The following DNHD1 variants were observed in gnomAD, a reference collection of about 807,000 sequenced individuals.
DNHD1 encodes dynein heavy chain domain 1, also known as dynein heavy chain domain-containing protein 1.
In DNHD1, 383 loss-of-function variants were observed where a neutral mutation model predicts 458.1. That is an observed-to-expected ratio of 0.84 (90% CI 0.77 to 0.91). The LOEUF (loss-of-function observed/expected upper bound fraction) is 0.91. Ranked by LOEUF, DNHD1 falls within the 40% of genes least tolerant of loss-of-function variation. The pLI is 0.00. For missense variants in DNHD1, 5,336 were observed against 5,866.1 expected (o/e 0.91, Z 2.95); for synonymous variants, 2,203 against 2,376.9 (o/e 0.93, Z 2.13).
In DNHD1 at chr11:6,539,371, G is replaced by A. The variant is rs116450164; in HGVS notation, c.3420+58G>A. 1,813 of 1,305,132 alleles carry A rather than the reference G, an allele frequency of 1.4e-3. 24 individuals are homozygous for A. In the African/African-American group the frequency reaches 0.02, roughly 15 times the overall value. The allele number at this position is 1,305,132 out of a possible 1,614,324, so 80.8% of individuals were successfully genotyped here. On this transcript the variant is annotated intron_variant, in intron 17 of 42. Transcript: ENST00000254579. ...GTCCAAAGCCAGGACCTGTAATAAA[G>A]CCAGTCAAGGGTGGTGGGTGTTTGG...
Position 6,557,874 on chromosome 11 carries a change from C to G in DNHD1, c.8579C>G (p.Pro2860Arg). ...TCAGCTGCTCAACTGAAGTTGAGCCCCCACCTGGCCCGGTGTCATTCCATG... is the reference window on the plus strand; with the variant it reads ...TCAGCTGCTCAACTGAAGTTGAGCCGCCACCTGGCCCGGTGTCATTCCATG... ...ATSAAQLKLS[P>R]HLARCHSMAQ... is the part of the protein sequence containing the mutation. Residue 2860 changes from proline to arginine, a missense_variant, in exon 25 of 43, where the codon CCC becomes CGC. Transcript: ENST00000254579. The G allele has an allele frequency of 6.4e-7, 1 of 1,551,034 alleles. No homozygotes were observed. Among genetic ancestry groups the G allele is most frequent in the Non-Finnish European group, 8.7e-7 (1 of 1,146,938 alleles).
chr11:6,563,875 C>T lies in DNHD1; in HGVS notation c.10035C>T (p.Pro3345=). The T allele has an allele frequency of 6.4e-7, 1 of 1,551,706 alleles. No homozygotes were observed. The highest frequency in any genetic ancestry group is 8.7e-7 in the Non-Finnish European group (1 of 1,147,008). The change falls in exon 31 of 43, where the codon CCC becomes CCT. Residue 3345 remains proline, a synonymous_variant. Transcript: ENST00000254579. ...HYGLAHCRGL[P]TDLLLQQVEA... is the part of the protein sequence containing the mutation. ...GGCTGGCGCATTGCCGGGGACTGCC[C>T]ACGGACCTGCTGCTGCAGCAAGTGG... is the stretch of plus-strand genomic sequence containing the variant.
intron 4 of DNHD1, among the ~76,000 whole-genome samples, chr11:6,506,995 T>G (rs1413140931): frequency 6.6e-6 from 1 of 152,154 alleles, no homozygotes; most frequent in East Asian, 1.9e-4. Flanking sequence ...CTTGCTGAGT[T>G]TCAGGTGCAA....
At position 6,502,795 on chromosome 11, in the gene DNHD1, A is replaced by G. The variant is rs775500522; in HGVS notation, c.789A>G (p.Gln263=). The part of the protein sequence containing the change: ...DYEVPREKAF[Q]KSSTGFSPET... The stretch of plus-strand genomic sequence containing the variant: ...AAGTTCCCAGGGAAAAGGCCTTCCA[A>G]AAGAGCAGCACCGGCTTTTCACCTG... Residue 263 remains glutamine, a synonymous_variant, in exon 4 of 43, where the codon CAA becomes CAG. Coordinates refer to ENST00000254579, the MANE Select transcript of DNHD1 (RefSeq NM_144666.3). 6.2e-7 allele frequency: 1 copy of G among 1,608,834 alleles called. No homozygotes were observed. Among genetic ancestry groups the G allele is most frequent in the African/African-American group, 1.3e-5 (1 of 74,706 alleles).
chr11:6,514,555 TCCTC>T (rs1433112013), intron 7 of DNHD1, among the ~76,000 whole-genome samples: 1 of 148,400 alleles, frequency 6.7e-6, no homozygotes, highest in Admixed American at 6.8e-5. Flanking sequence ...CTCCCTCTCT[TCCTC>T]CCTCCCTCCC....
chr11:6,570,672 C>T lies in DNHD1; in HGVS notation c.13160C>T (p.Pro4387Leu). The change falls in exon 42 of 43, where the codon CCC becomes CTC. Residue 4387 changes from proline (P) to leucine (L), a missense_variant. By Grantham distance (98) the Pro-to-Leu change is moderately conservative (BLOSUM62 -3). Around this residue, in one of 4 missense-constraint regions of DNHD1, gnomAD observed 698 missense variants for 664.9 expected, o/e 1.05. Coordinates refer to ENST00000254579, the MANE Select transcript of DNHD1 (RefSeq NM_144666.3). ...TGCAAGGCCCAGATGCACCTACTGCCCTCACCACCTGAACCCCGGCTCTGC... is the reference window on the plus strand; with the variant it reads ...TGCAAGGCCCAGATGCACCTACTGCTCTCACCACCTGAACCCCGGCTCTGC... ...AECKAQMHLL[P>L]SPPEPRLCGL... is the part of the protein sequence containing the mutation. 1 of 1,612,158 alleles carries T rather than the reference C, an allele frequency of 6.2e-7. No individual in the cohort carries two copies. Among genetic ancestry groups the T allele is most frequent in the Non-Finnish European group, 8.5e-7 (1 of 1,179,200 alleles).
At position 6,571,990 on chromosome 11, in the gene DNHD1, C is replaced by T. The variant is rs377449348; in HGVS notation, c.*4C>T. Reference sequence around the variant, plus strand: ...GTGCAGCCCACCCCTGTCTTGAGCCCGTCTACCAAAATAAAGTTGTAGTGA... The same window carrying T: ...GTGCAGCCCACCCCTGTCTTGAGCCTGTCTACCAAAATAAAGTTGTAGTGA... On this transcript the variant is annotated 3_prime_UTR_variant, in exon 43 of 43. Transcript: ENST00000254579. The surrounding 1 kb of genome is among the most constrained non-coding windows in gnomAD (Gnocchi z 5.0). 87 of 1,591,464 alleles carry T rather than the reference C, an allele frequency of 5.5e-5. No homozygotes were observed. In the African/African-American group the frequency reaches 9.4e-4, roughly 17 times the overall value.
intron 7 of DNHD1, among the ~76,000 whole-genome samples, chr11:6,512,215 T>TTTC (rs1852349638): frequency 3.4e-5 from 2 of 58,382 alleles, no homozygotes; most frequent in African/African-American, 1.3e-4. Flanking sequence ...TTCTTTCTTT[T>TTTC]TTTTTTTTTT....
At chr11:6,506,982 G>T (rs1852241357) in intron 4 of DNHD1, among the ~76,000 whole-genome samples, 1 of 152,180 alleles carries the variant, frequency 6.6e-6, no homozygotes, top group African/African-American at 2.4e-5. Context: ...GTTTAGTACA[G>T]AACTTGCTGA....
rs1852302343 is a variant in DNHD1 at position 6,509,908 on chromosome 11, G to A, written c.1235+636G>A. Among the ~76,000 whole-genome samples the A allele has an allele frequency of 2.6e-5, 4 of 152,138 alleles. No homozygotes were observed. The South Asian group carries it at 8.3e-4, about 32-fold the overall frequency. On this transcript the variant is annotated intron_variant, in intron 6 of 42. Transcript: ENST00000254579. ...GGGAGCATGGGAACTGCAATCTGGAGACTGCATCTAAAGAGGATAGTCACT... is the reference window on the plus strand; with the variant it reads ...GGGAGCATGGGAACTGCAATCTGGAAACTGCATCTAAAGAGGATAGTCACT...
chr11:6,554,968 T>C (rs1270445185), intron 24 of DNHD1, among the ~76,000 whole-genome samples: 1 of 152,144 alleles, frequency 6.6e-6, no homozygotes, highest in African/African-American at 2.4e-5. Flanking sequence ...ATAGCAGCAT[T>C]GTTCTGTATA....
rs371912782 is a variant in DNHD1, at chr11:6,527,388, G to A, written c.1838-1134G>A. 1.1e-3 allele frequency among the ~76,000 whole-genome samples: 166 copies of A among 152,288 alleles called. 3 individuals carry two copies. In the South Asian group the frequency reaches 0.034, roughly 31 times the overall value. On this transcript the variant is annotated intron_variant, in intron 10 of 42. Coordinates refer to ENST00000254579, the MANE Select transcript of DNHD1 (RefSeq NM_144666.3). ...GGTGGATTCTGGATATATTTTTAAA[G>A]TAACGACAACAGGATTTTTAAATGG...
At chr11:6,543,477 G>C (rs551402093) in intron 18 of DNHD1, among the ~76,000 whole-genome samples, 1 of 151,786 alleles carries the variant, frequency 6.6e-6, no homozygotes, top group Admixed American at 6.6e-5. Flanking sequence ...CCCTCTTCCC[G>C]GGCTAGAGGC....
chr11:6,498,514 G>A lies in DNHD1; in HGVS notation c.299G>A (p.Gly100Asp), dbSNP rs1165031879. 1 of 1,614,196 alleles carries A rather than the reference G, an allele frequency of 6.2e-7. No individual in the cohort carries two copies. The highest frequency in any genetic ancestry group is 1.3e-5 in the African/African-American group (1 of 75,050). Residue 100 changes from glycine to aspartate, a missense_variant, in exon 3 of 43, where the codon GGC becomes GAC. Coordinates refer to ENST00000254579, the MANE Select transcript of DNHD1 (RefSeq NM_144666.3). ...CCTCCATATCGTGAGTTGCTAGTTG[G>A]CCACCTTGATTTGCTGCCCTTCCTG... ...LLPPYRELLVGHLDLLPFLEQ... is the reference protein window; with the variant it reads ...LLPPYRELLVDHLDLLPFLEQ...
Position 6,509,040 on chromosome 11 carries a change from A to G in DNHD1, c.1081A>G (p.Ile361Val), listed in dbSNP as rs1202293027. 3 of 1,614,216 alleles carry G rather than the reference A, an allele frequency of 1.9e-6. No homozygotes were observed. The highest frequency in any genetic ancestry group is 2.2e-5 in the East Asian group (1 of 44,888). ...HCVLWQQLQF[I>V]PFFKYCLLRK... ...TGTTCTCTGGCAGCAGCTCCAGTTCATTCCATTCTTTAAGTATTGCCTCTT... is the reference window on the plus strand; with the variant it reads ...TGTTCTCTGGCAGCAGCTCCAGTTCGTTCCATTCTTTAAGTATTGCCTCTT... Residue 361 changes from isoleucine (I) to valine (V), a missense_variant, in exon 5 of 43, where the codon ATT becomes GTT. Ile to Val is a conservative substitution (Grantham distance 29). Coordinates refer to ENST00000254579, the MANE Select transcript of DNHD1 (RefSeq NM_144666.3).
Position 6,565,956 on chromosome 11 carries a change from A to G in DNHD1, c.11018A>G (p.Glu3673Gly). 6.4e-7 allele frequency: 1 copy of G among 1,551,612 alleles called. No homozygotes were observed. The highest frequency in any genetic ancestry group is 8.7e-7 in the Non-Finnish European group (1 of 1,146,970). The part of the protein sequence containing the change: ...YLSVLSGADP[E>G]LGSQLQEAAA... ...AGTGTTCTTTCAGGTGCTGACCCAG[A>G]GCTGGGTTCTCAGCTCCAGGAGGCA... The change falls in exon 33 of 43, where the codon GAG (glutamate) becomes GGG (glycine). Residue 3673 changes from glutamate (E) to glycine (G), a missense_variant. Glu to Gly is a moderately conservative substitution (Grantham distance 98). Around this residue, in one of 4 missense-constraint regions of DNHD1, gnomAD observed 695 missense variants for 804.2 expected, o/e 0.86. Transcript: ENST00000254579.
intron 4 of DNHD1, among the ~76,000 whole-genome samples, chr11:6,504,711 A>G (rs1852196580): frequency 6.6e-6 from 1 of 152,140 alleles, no homozygotes; most frequent in Admixed American, 6.5e-5. Context: ...AGCTTCCCAA[A>G]GTGCTGGGAT....
chr11:6,505,378 A>G lies in DNHD1; in HGVS notation c.920+2452A>G, dbSNP rs776104928. ...AGCGATTCTCCTGCCACAGCCTCCC[A>G]AGTAGCTTTGATTACAGGCACTTGC... On this transcript the variant is annotated intron_variant, in intron 4 of 42. Transcript: ENST00000254579. This position sits in a 1 kb window ranked among gnomAD's most constrained non-coding sequence, Gnocchi z 4.4. Among the ~76,000 whole-genome samples, 9 of 151,796 alleles carry G rather than the reference A, an allele frequency of 5.9e-5. No individual in the cohort carries two copies. The highest frequency in any genetic ancestry group is 1.0e-4 in the Non-Finnish European group (7 of 67,950).
At chr11:6,536,007 T>C (rs925072383) in intron 14 of DNHD1, among the ~76,000 whole-genome samples, 2 of 152,160 alleles carry the variant, frequency 1.3e-5, no homozygotes, top group African/African-American at 4.8e-5. Context: ...ATGAAGGACA[T>C]AGGGACATGA....
Sources: allele counts gnomAD v4.1 joint callset (sites outside exome capture counted in the v4.1 genomes callset), GRCh38; gene constraint gnomAD v4.1.1; regional missense constraint gnomAD v4.1.1; non-coding constraint Gnocchi (gnomAD v3.1); transcripts MANE v1.5; gene names NCBI Gene and HGNC (gene_info 2026-07-23, HGNC 2026-07-21).